Variants in CCDC149 observed in about 807,000 individuals in gnomAD.
CCDC149 encodes the protein coiled-coil domain-containing protein 149.
A neutral mutation model predicts 59.9 loss-of-function variants in CCDC149; 45 were observed. The ratio of observed to expected loss-of-function variants is 0.75; its 90% CI spans 0.59 to 0.96. CCDC149 has a LOEUF of 0.96. CCDC149 is among the 40% of genes least tolerant of loss of function. The pLI, the probability that CCDC149 is intolerant of heterozygous loss-of-function variation, is 0.00. For synonymous variants in CCDC149, 245 were observed against 260.6 expected (o/e 0.94, Z 0.58); for missense variants, 584 against 664.7 (o/e 0.88, Z 1.33).
At position 24,853,196 on chromosome 4, in the gene CCDC149, A is replaced by G. The variant is rs935240778; in HGVS notation, c.265-17T>C. ...AAGATTAGCCTAGAAATATCAACACATTATGAAATACAATCAGAAATGGAG... is the reference window on the plus strand; with the variant it reads ...AAGATTAGCCTAGAAATATCAACACGTTATGAAATACAATCAGAAATGGAG... On this transcript the variant is annotated splice_polypyrimidine_tract_variant and intron_variant, in intron 3 of 12. Coordinates refer to ENST00000635206, the MANE Select transcript of CCDC149 (RefSeq NM_001330643.2). 28 of 1,538,166 alleles carry G rather than the reference A, an allele frequency of 1.8e-5. No individual in the cohort carries two copies. The highest frequency in any genetic ancestry group is 1.7e-4 in the Middle Eastern group (1 of 5,986).
intron 1 of CCDC149, among the ~76,000 whole-genome samples, chr4:24,970,638 A>T (rs945125439): frequency 5.3e-5 from 8 of 152,072 alleles, no homozygotes; most frequent in Admixed American, 2.0e-4. Flanking sequence ...CCCCACCAAC[A>T]TCACGCCCTA....
intron 1 of CCDC149, among the ~76,000 whole-genome samples, chr4:24,968,532 G>A (rs1723871629): frequency 6.6e-6 from 1 of 152,226 alleles, no homozygotes; most frequent in Non-Finnish European, 1.5e-5. Flanking sequence ...CCTAATGCAA[G>A]ATAAGGCCAT....
intron 1 of CCDC149, among the ~76,000 whole-genome samples, chr4:24,909,978 C>T (rs1285618144): frequency 3.3e-5 from 5 of 152,164 alleles, no homozygotes; most frequent in Admixed American, 2.0e-4. Context: ...AGCATGAAAA[C>T]GGACTAATAC....
intron 1 of CCDC149, among the ~76,000 whole-genome samples, chr4:24,907,823 G>A (rs528797618): frequency 6.6e-5 from 10 of 152,296 alleles, no homozygotes; most frequent in Non-Finnish European, 1.2e-4. Flanking sequence ...TGGCAGGACT[G>A]TGTTCCCCAG....
At chr4:24,873,099 C>T (rs1340157789) in intron 3 of CCDC149, among the ~76,000 whole-genome samples, 1 of 151,930 alleles carries the variant, frequency 6.6e-6, no homozygotes, top group African/African-American at 2.4e-5. Flanking sequence ...GGTATGCACC[C>T]AACAAATGGT....
At chr4:24,876,911 A>G (rs1362229281) in intron 1 of CCDC149, among the ~76,000 whole-genome samples, 3 of 152,220 alleles carry the variant, frequency 2.0e-5, no homozygotes, top group Non-Finnish European at 4.4e-5. Flanking sequence ...AACCTTGGAC[A>G]AGTAAGTTAA....
rs550629434 is a variant in CCDC149 at position 24,821,736 on chromosome 4, T to A, written c.1043-649A>T. The stretch of plus-strand genomic sequence containing the variant: ...CCAGGGAAAGGGGAGATGGTGGAAA[T>A]GGTAAATACAAGTTTCTGAAGAGTA... On this transcript the variant is annotated intron_variant, in intron 10 of 12. Coordinates refer to ENST00000635206, the MANE Select transcript of CCDC149 (RefSeq NM_001330643.2). Among the ~76,000 whole-genome samples, 4 of 152,112 alleles carry A rather than the reference T, an allele frequency of 2.6e-5. No individual in the cohort carries two copies. In the South Asian group the frequency reaches 8.3e-4, roughly 32 times the overall value.
chr4:24,960,789 C>G (rs933325022), intron 1 of CCDC149, among the ~76,000 whole-genome samples: 1 of 152,070 alleles, frequency 6.6e-6, no homozygotes, highest in Non-Finnish European at 1.5e-5. Flanking sequence ...GAGAAATAGA[C>G]AAATCCAAAA....
chr4:24,930,921 A>G (rs2109341790), intron 1 of CCDC149, among the ~76,000 whole-genome samples: 1 of 152,232 alleles, frequency 6.6e-6, no homozygotes, highest in African/African-American at 2.4e-5. Context: ...ACAAACTCAT[A>G]CCTAAAATTA....
chr4:24,839,911 A>T (rs937576401), intron 4 of CCDC149, among the ~76,000 whole-genome samples: 2 of 152,206 alleles, frequency 1.3e-5, no homozygotes, highest in African/African-American at 4.8e-5. Flanking sequence ...ACTGTCACAC[A>T]GATCCGACCC....
At chr4:24,938,537 C>G (rs7340767) in intron 1 of CCDC149, among the ~76,000 whole-genome samples, 1 of 151,934 alleles carries the variant, frequency 6.6e-6, no homozygotes, top group Non-Finnish European at 1.5e-5. Flanking sequence ...CACTGGGGAG[C>G]GCAGTGGGTG....
intron 3 of CCDC149, among the ~76,000 whole-genome samples, chr4:24,859,477 C>G (rs1718238758): frequency 6.6e-6 from 1 of 152,104 alleles, no homozygotes. Context: ...ATAACAAACC[C>G]ACAGCCAACA....
At chr4:24,895,759 G>A (rs1194737819) in intron 1 of CCDC149, among the ~76,000 whole-genome samples, 1 of 152,160 alleles carries the variant, frequency 6.6e-6, no homozygotes, top group Non-Finnish European at 1.5e-5. Context: ...AGACAGGACT[G>A]GGTCACCTGG....
chr4:24,964,166 C>T (rs1723726802), intron 1 of CCDC149, among the ~76,000 whole-genome samples: 1 of 143,612 alleles, frequency 7.0e-6, no homozygotes, highest in Non-Finnish European at 1.5e-5. Flanking sequence ...TGTACTCTAG[C>T]CTGGGCAACA....
chr4:24,928,994 A>G (rs1395829745), intron 1 of CCDC149, among the ~76,000 whole-genome samples: 1 of 152,180 alleles, frequency 6.6e-6, no homozygotes. Context: ...GCATTGAGCT[A>G]TGTGTCCGCC....
At chr4:24,896,300 G>A (rs1345892693) in intron 1 of CCDC149, among the ~76,000 whole-genome samples, 5 of 152,218 alleles carry the variant, frequency 3.3e-5, no homozygotes, top group African/African-American at 4.8e-5. Flanking sequence ...CTACATCCTG[G>A]TGGACTGTAT....
intron 3 of CCDC149, among the ~76,000 whole-genome samples, chr4:24,860,584 A>G (rs1718313971): frequency 6.6e-6 from 1 of 152,222 alleles, no homozygotes; most frequent in African/African-American, 2.4e-5. Flanking sequence ...AAAAACAAAG[A>G]TAAATAGATG....
intron 3 of CCDC149, among the ~76,000 whole-genome samples, chr4:24,856,334 C>T (rs959903786): frequency 2.0e-5 from 3 of 152,210 alleles, no homozygotes; most frequent in Admixed American, 6.5e-5. Context: ...TAGAAACTGA[C>T]ATCGAATGGG....
At chr4:24,831,084 C>T (rs143557145) in intron 9 of CCDC149, 5,082 of 156,890 alleles carry the variant, frequency 0.032, 116 homozygotes, top group Middle Eastern at 0.051. Context: ...TTCTAGGCCC[C>T]GCAGCCTGTG....
Sources: allele counts gnomAD v4.1 joint callset (sites outside exome capture counted in the v4.1 genomes callset), GRCh38; gene constraint gnomAD v4.1.1; transcripts MANE v1.5; gene names NCBI Gene and HGNC (gene_info 2026-07-23, HGNC 2026-07-21).